Variants in ZNF766 observed in about 807,000 individuals in gnomAD.
ZNF766 encodes zinc finger protein 766.
ZNF766 carries 13 observed loss-of-function variants against 13.2 expected under a neutral mutation model. That is an observed-to-expected ratio of 0.98 (90% CI 0.64 to 1.56). The LOEUF (loss-of-function observed/expected upper bound fraction) is 1.56, where lower values mean the gene tolerates loss of function less well. Among genes scored for constraint, ZNF766 ranks in the 40% most tolerant of loss-of-function variants. ZNF766 has a pLI of 0.00. For missense variants in ZNF766, 521 were observed against 552.2 expected (o/e 0.94, Z 0.57); for synonymous variants, 178 against 187.6 (o/e 0.95, Z 0.42).
chr19:52,291,341 G>A lies in ZNF766; in HGVS notation c.*143G>A. 1.2e-6 allele frequency: 1 copy of A among 821,792 alleles called. No individual in the cohort carries two copies. The allele number at this position is 821,792 out of a possible 1,614,324, so 50.9% of individuals were successfully genotyped here. On this transcript the variant is annotated 3_prime_UTR_variant, in exon 4 of 4. Coordinates refer to ENST00000439461, the MANE Select transcript of ZNF766 (RefSeq NM_001010851.3). ...CTAGACATCGAAACATTCATCTTTG[G>A]TGAAACCACACAAATGGATTGTGTG...
intron 1 of ZNF766, among the ~76,000 whole-genome samples, chr19:52,278,309 T>C (rs751384669): frequency 3.1e-4 from 47 of 152,230 alleles, no homozygotes; most frequent in Non-Finnish European, 5.1e-4. Flanking sequence ...TGCATTTCTC[T>C]AATGATCAGT....
Position 52,270,059 on chromosome 19 carries a change from G to A in ZNF766, c.18+428G>A, listed in dbSNP as rs114346785. ...CCCCACCCCTGATCTGCCTGCCGCC[G>A]TAGTCCTCCTTGGGCCGTTCCCTTC... On this transcript the variant is annotated intron_variant, in intron 1 of 3. Coordinates refer to ENST00000439461, the MANE Select transcript of ZNF766 (RefSeq NM_001010851.3). 9.2e-3 allele frequency among the ~76,000 whole-genome samples: 1,401 copies of A among 152,264 alleles called. 27 individuals carry two copies. The highest frequency in any genetic ancestry group is 0.033 in the African/African-American group (1,351 of 41,542).
At chr19:52,270,065 C>T (rs1212763372) in intron 1 of ZNF766, among the ~76,000 whole-genome samples, 2 of 152,184 alleles carry the variant, frequency 1.3e-5, no homozygotes, top group African/African-American at 2.4e-5. Context: ...CGCCGTAGTC[C>T]TCCTTGGGCC....
rs558707581 is a variant in ZNF766, at chr19:52,291,996, C to G, written c.*798C>G. The G allele has an allele frequency of 8.5e-6, 5 of 590,550 alleles. No homozygotes were observed. Among genetic ancestry groups the G allele is most frequent in the African/African-American group, 3.7e-5 (2 of 53,344 alleles). 36.6% of individuals were successfully genotyped at this position (590,550 alleles called of 1,614,324 possible). On this transcript the variant is annotated 3_prime_UTR_variant, in exon 4 of 4. Transcript: ENST00000439461. ...CCGAGGCAAGAGGATTGCTCAAGCC[C>G]AGGAGTTTGAGAGTTTGAGCAGTGA...
intron 3 of ZNF766, among the ~76,000 whole-genome samples, chr19:52,289,838 A>G (rs1982025124): frequency 1.3e-5 from 2 of 152,206 alleles, no homozygotes; most frequent in East Asian, 3.9e-4. Context: ...GTCTCTACTA[A>G]AAATACAAAA....
At chr19:52,269,821 G>A (rs1481096140) in intron 1 of ZNF766, among the ~76,000 whole-genome samples, 190 bp downstream of exon 1, 1 of 152,160 alleles carries the variant, frequency 6.6e-6, no homozygotes, top group African/African-American at 2.4e-5. Flanking sequence ...TTCTGCCGTA[G>A]GGCTGCGTAG....
rs901289176 is a variant in ZNF766 at position 52,295,005 on chromosome 19, T to A, written c.*3807T>A. 8 of 151,492 alleles carry A rather than the reference T, an allele frequency of 5.3e-5. No individual in the cohort carries two copies. Among genetic ancestry groups the A allele is most frequent in the Admixed American group, 1.3e-4 (2 of 15,202 alleles). The allele number at this position is 151,492 out of a possible 1,614,324, so 9.4% of individuals were successfully genotyped here. ...ATATGATATTACTAGAAGAGCATTT[T>A]TCCAAAAGCTATGGAAATGTCATTT... On this transcript the variant is annotated 3_prime_UTR_variant, in exon 4 of 4. Transcript: ENST00000439461.
At chr19:52,288,630 G>A (rs1480183701) in intron 3 of ZNF766, among the ~76,000 whole-genome samples, 4 of 150,432 alleles carry the variant, frequency 2.7e-5, no homozygotes. Flanking sequence ...CTGGCTTCAA[G>A]AGATCCTCCC....
intron 1 of ZNF766, 57 bp from the exon 2 acceptor site, chr19:52,282,054 G>T (rs760657711): frequency 2.4e-5 from 38 of 1,563,762 alleles, no homozygotes; most frequent in South Asian, 9.0e-5. Context: ...TTCTCATTTC[G>T]TGTGAACATA....
chr19:52,290,304 T>C lies in ZNF766; in HGVS notation c.513T>C (p.Phe171=). 1 of 1,613,784 alleles carries C rather than the reference T, an allele frequency of 6.2e-7. No individual in the cohort carries two copies. The highest frequency in any genetic ancestry group is 8.5e-7 in the Non-Finnish European group (1 of 1,179,772). Residue 171 remains phenylalanine (F), a synonymous_variant, in exon 4 of 4, where the codon TTT becomes TTC. Transcript: ENST00000439461. ...FNKHRNDFVD[F]PLLSQEQKAH... ...AACATAGGAATGATTTTGTTGATTTTCCATTGCTGTCACAAGAACAGAAAG... is the reference window on the plus strand; with the variant it reads ...AACATAGGAATGATTTTGTTGATTTCCCATTGCTGTCACAAGAACAGAAAG...
chr19:52,278,666 A>T (rs1399798512), intron 1 of ZNF766, among the ~76,000 whole-genome samples: 1 of 152,006 alleles, frequency 6.6e-6, no homozygotes, highest in Non-Finnish European at 1.5e-5. Flanking sequence ...CAGCCTCCCA[A>T]AGTGCTGGGA....
At chr19:52,285,386 G>T (rs1212357517) in intron 3 of ZNF766, among the ~76,000 whole-genome samples, 1 of 152,196 alleles carries the variant, frequency 6.6e-6, no homozygotes, top group Non-Finnish European at 1.5e-5. Flanking sequence ...CTTCCCACCA[G>T]TTGCAAGTCT....
In ZNF766 at chr19:52,290,942, A is replaced by C. The variant is rs770887686; in HGVS notation, c.1151A>C (p.Lys384Thr). 2.5e-6 allele frequency: 4 copies of C among 1,613,986 alleles called. No homozygotes were observed. The highest frequency in any genetic ancestry group is 3.4e-6 in the Non-Finnish European group (4 of 1,180,028). ...QRNHNGEKPY[K>T]CHECGKVFTQ... ...AATCATAATGGAGAGAAACCTTATA[A>C]ATGTCATGAATGTGGCAAAGTCTTC... is the stretch of plus-strand genomic sequence containing the variant. Residue 384 changes from lysine to threonine, a missense_variant, in exon 4 of 4, where the codon AAA becomes ACA. Coordinates refer to ENST00000439461, the MANE Select transcript of ZNF766 (RefSeq NM_001010851.3).
In ZNF766 at chr19:52,282,188, T is replaced by A; in HGVS notation, c.96T>A (p.Ala32=). 1.2e-6 allele frequency: 2 copies of A among 1,605,908 alleles called. No homozygotes were observed. Among genetic ancestry groups the A allele is most frequent in the South Asian group, 1.1e-5 (1 of 91,000 alleles). ...EWKCLDPVQK[A]LYRDVMLENY... is the part of the protein sequence containing the mutation. ...AATGCCTGGACCCTGTGCAGAAGGC[T>A]TTATACAGGGATGTGATGTTGGAGA... The change falls in exon 2 of 4, where the codon GCT becomes GCA. Residue 32 remains alanine (A), a synonymous_variant. Transcript: ENST00000439461.
In ZNF766 at chr19:52,292,325, A is replaced by C; in HGVS notation, c.*1127A>C. 1 of 629,398 alleles carries C rather than the reference A, an allele frequency of 1.6e-6. No individual in the cohort carries two copies. Among genetic ancestry groups the C allele is most frequent in the South Asian group, 1.8e-5 (1 of 54,446 alleles). 39.0% of individuals were successfully genotyped at this position (629,398 alleles called of 1,614,324 possible). ...GAATAACAAAACCGTGATGGCAGTCATCATGCTTATTGCAGTTAGCACACA... is the reference window on the plus strand; with the variant it reads ...GAATAACAAAACCGTGATGGCAGTCCTCATGCTTATTGCAGTTAGCACACA... On this transcript the variant is annotated 3_prime_UTR_variant, in exon 4 of 4. Coordinates refer to ENST00000439461, the MANE Select transcript of ZNF766 (RefSeq NM_001010851.3).
rs1054037091 is a variant in ZNF766 at position 52,293,336 on chromosome 19, C to T, written c.*2138C>T. On this transcript the variant is annotated 3_prime_UTR_variant, in exon 4 of 4. Transcript: ENST00000439461. ...TACAGGCATGCACCACCATACCCGG[C>T]TAATTTTTTTGTATTTTTAGTAGAG... 2.6e-5 allele frequency: 4 copies of T among 152,042 alleles called. No individual in the cohort carries two copies. The highest frequency in any genetic ancestry group is 1.3e-4 in the Admixed American group (2 of 15,258). The allele number at this position is 152,042 out of a possible 1,614,324, so 9.4% of individuals were successfully genotyped here. A position where few individuals can be genotyped will look rare whatever the true frequency, so the allele number is the denominator to read the frequency against.
In ZNF766 at chr19:52,289,956, G is replaced by T. The variant is rs550507812; in HGVS notation, c.275-110G>T. ...GCGGAGCTTGCAGTGATCCGAGATC[G>T]TGCCACTGCACTCCAGCCTGGGTGG... On this transcript the variant is annotated intron_variant, in intron 3 of 3. Transcript: ENST00000439461. 1.5e-5 allele frequency: 17 copies of T among 1,105,500 alleles called. No homozygotes were observed. The African/African-American group carries it at 2.5e-4, about 17-fold the overall frequency. The allele number at this position is 1,105,500 out of a possible 1,614,324, so 68.5% of individuals were successfully genotyped here. A position where few individuals can be genotyped will look rare whatever the true frequency, so the allele number is the denominator to read the frequency against.
At chr19:52,271,319 T>TA (rs1226926397) in intron 1 of ZNF766, among the ~76,000 whole-genome samples, 1 of 152,174 alleles carries the variant, frequency 6.6e-6, no homozygotes. Context: ...TCCAGGTAGA[T>TA]ACTATCAAAA....
At chr19:52,285,422 G>T (rs1320734004) in intron 3 of ZNF766, among the ~76,000 whole-genome samples, 1 of 152,202 alleles carries the variant, frequency 6.6e-6, no homozygotes, top group Non-Finnish European at 1.5e-5. Flanking sequence ...TGACCAACTG[G>T]CTTCCAGTTG....
Sources: gnomAD v4.1 joint callset for allele counts (sites outside exome capture counted in the v4.1 genomes callset) on GRCh38, gnomAD v4.1.1 for gene constraint, MANE v1.5 for transcripts, NCBI Gene and HGNC (gene_info 2026-07-23, HGNC 2026-07-21) for gene names.